Variants in ERICH3 observed in about 807,000 individuals in gnomAD.
ERICH3 encodes glutamate rich 3, also known as glutamate-rich protein 3.
Under a neutral mutation model 131.1 loss-of-function variants are expected in ERICH3, and 126 were observed. That is an observed-to-expected ratio of 0.96 (90% confidence interval 0.83 to 1.11). The LOEUF (loss-of-function observed/expected upper bound fraction) is 1.11. Ranked by LOEUF, ERICH3 falls within the 50% of genes most tolerant of loss-of-function variation. ERICH3 has a pLI of 0.00. For synonymous variants in ERICH3, 695 were observed against 644.6 expected, an observed-to-expected ratio of 1.08 and a Z score of -1.18; for missense variants, 2,050 against 1,810.7, an observed-to-expected ratio of 1.13 and a Z score of -2.40.
intron 1 of ERICH3, among the ~76,000 whole-genome samples, chr1:74,664,532 G>T (rs1364556642): frequency 1.3e-5 from 2 of 152,094 alleles, no homozygotes; most frequent in Non-Finnish European, 2.9e-5. Context: ...TATAGAGAAT[G>T]CCAAATTAAC....
intron 6 of ERICH3, chr1:74,634,781 G>T (rs1294215960): frequency 3.4e-5 from 22 of 645,326 alleles, no homozygotes; most frequent in Non-Finnish European, 6.2e-5. Flanking sequence ...GGATACAGAG[G>T]ATTTTAGCCA....
Position 74,649,205 on chromosome 1 carries a change from A to G in ERICH3, c.117+17T>C, listed in dbSNP as rs762926720. The G allele has an allele frequency of 2.5e-6, 4 of 1,576,966 alleles. No homozygotes were observed. Among genetic ancestry groups the G allele is most frequent in the Non-Finnish European group, 3.5e-6 (4 of 1,155,622 alleles). On this transcript the variant is annotated intron_variant, in intron 2 of 14. Transcript: ENST00000326665. ...TAATGAAACAAGAAGGTCAGTGGAAAGTAAACCAAAACTTACCAGTCCTGA... is the reference window on the plus strand; with the variant it reads ...TAATGAAACAAGAAGGTCAGTGGAAGGTAAACCAAAACTTACCAGTCCTGA...
At chr1:74,600,037 C>A in intron 10 of ERICH3, 106 bp from the exon 11 acceptor site, 2 of 763,712 alleles carry the variant, frequency 2.6e-6, no homozygotes, top group East Asian at 2.6e-5. Context: ...CTTCTCTGAG[C>A]CTTTCTTTGC....
chr1:74,571,952 C>A lies in ERICH3; in HGVS notation c.3758G>T (p.Gly1253Val). Residue 1253 changes from glycine (G) to valine (V), a missense_variant, in exon 14 of 15, where the codon GGA becomes GTA. Physicochemically the swap from Gly to Val is moderately radical, Grantham distance 109. Transcript: ENST00000326665. ...TTGCCCTTCAGCTCTCCCCTCCAGT[C>A]CTGCGCAGGAGTCGTGATCTTTGGC... Reference protein sequence around the residue: ...LAAKDHDSCAGLEGRAEGQGG... With the variant: ...LAAKDHDSCAVLEGRAEGQGG... 6.2e-7 allele frequency: 1 copy of A among 1,613,778 alleles called. No homozygotes were observed. Among genetic ancestry groups the A allele is most frequent in the Admixed American group, 1.7e-5 (1 of 60,028 alleles).
Position 74,620,852 on chromosome 1 carries a change from C to T in ERICH3, c.882G>A (p.Leu294=), listed in dbSNP as rs765805851. 2 of 1,612,688 alleles carry T rather than the reference C, an allele frequency of 1.2e-6. No homozygotes were observed. The highest frequency in any genetic ancestry group is 1.7e-5 in the Admixed American group (1 of 59,856). ...CAGAAGATAGGTGCACATTTTTCCC[C>T]AAATAGATCATTGTAATAGCTGCAT... ...HSNAAITMIY[L]GKNVHLSSDN... Residue 294 remains leucine (L), a synonymous_variant, in exon 8 of 15, where the codon TTG becomes TTA. Transcript: ENST00000326665.
At chr1:74,583,185 G>A (rs1003238518) in intron 12 of ERICH3, among the ~76,000 whole-genome samples, 5 of 152,088 alleles carry the variant, frequency 3.3e-5, no homozygotes, top group African/African-American at 1.2e-4. Context: ...TCATCCAAGA[G>A]CTTCAATGTA....
chr1:74,625,579 C>T (rs991976416), intron 7 of ERICH3: 1 of 152,078 alleles, frequency 6.6e-6, no homozygotes. Context: ...TTATAGTACT[C>T]ATCACAATAT....
At chr1:74,660,841 T>C (rs940190411) in intron 1 of ERICH3, among the ~76,000 whole-genome samples, 1 of 151,952 alleles carries the variant, frequency 6.6e-6, no homozygotes, top group Non-Finnish European at 1.5e-5. Flanking sequence ...TTTTCTGTGA[T>C]GCAAGTCATA....
chr1:74,636,816 G>A (rs1445966209), intron 5 of ERICH3, among the ~76,000 whole-genome samples: 1 of 152,034 alleles, frequency 6.6e-6, no homozygotes, highest in East Asian at 1.9e-4. Flanking sequence ...GGGTCTAAAA[G>A]GATATTATTG....
chr1:74,600,595 C>T (rs1648082163), intron 10 of ERICH3, among the ~76,000 whole-genome samples: 1 of 151,762 alleles, frequency 6.6e-6, no homozygotes, highest in Non-Finnish European at 1.5e-5. Flanking sequence ...CTGTCACAGC[C>T]ACATATTTGC....
chr1:74,660,812 T>C (rs951774663), intron 1 of ERICH3, among the ~76,000 whole-genome samples: 6 of 151,894 alleles, frequency 4.0e-5, no homozygotes, highest in African/African-American at 1.4e-4. Context: ...ACCTAATGGC[T>C]GTCAGTGATT....
intron 1 of ERICH3, among the ~76,000 whole-genome samples, chr1:74,666,744 T>G (rs1029751739): frequency 2.0e-5 from 3 of 151,826 alleles, no homozygotes; most frequent in South Asian, 2.1e-4. Context: ...GGTCGACTTT[T>G]TAGTTAGCAC....
At chr1:74,630,301 G>C (rs1649551081) in intron 7 of ERICH3, among the ~76,000 whole-genome samples, 1 of 152,150 alleles carries the variant, frequency 6.6e-6, no homozygotes, top group Non-Finnish European at 1.5e-5. Flanking sequence ...TTCTATTATT[G>C]TTCCAAATAT....
chr1:74,615,849 G>T (rs1648936927), intron 8 of ERICH3, among the ~76,000 whole-genome samples: 1 of 152,164 alleles, frequency 6.6e-6, no homozygotes, highest in South Asian at 2.1e-4. Context: ...GCTGTCTGTG[G>T]GGGTTGACTT....
intron 6 of ERICH3, among the ~76,000 whole-genome samples, chr1:74,633,531 G>A (rs1557693149): frequency 6.6e-6 from 1 of 151,924 alleles, no homozygotes; most frequent in African/African-American, 2.4e-5. Context: ...TGGTTTACCA[G>A]TTTTTCAAAA....
At chr1:74,668,191 C>CTTTTTTTTTTTTTTTTTTTTTTT (rs1646709411) in intron 1 of ERICH3, among the ~76,000 whole-genome samples, 1 of 152,108 alleles carries the variant, frequency 6.6e-6, no homozygotes, top group South Asian at 2.1e-4. Flanking sequence ...GAATCAATTT[C>CTTTTTTTTTTTTTTTTTTTTTTT]TATTGCTCAA....
Position 74,571,449 on chromosome 1 carries a change from TCTC to T in ERICH3, c.4258_4260del (p.Glu1420del), listed in dbSNP as rs763223638. 3 of 1,613,944 alleles carry T rather than the reference TCTC, an allele frequency of 1.9e-6. No homozygotes were observed. The highest frequency in any genetic ancestry group is 2.5e-6 in the Non-Finnish European group (3 of 1,179,960). On this transcript the variant is annotated inframe_deletion, in exon 14 of 15. Transcript: ENST00000326665. Reference sequence around the variant, plus strand: ...GCCTCTGTTGTATATGTCACTGTCATCTCCTCTGCTGCTGGCACTTCCTCCCCA... The same window carrying T: ...GCCTCTGTTGTATATGTCACTGTCATCTCTGCTGCTGGCACTTCCTCCCCA...
chr1:74,669,899 C>T (rs886151298), intron 1 of ERICH3, among the ~76,000 whole-genome samples: 2 of 152,172 alleles, frequency 1.3e-5, no homozygotes, highest in African/African-American at 4.8e-5. Context: ...TAGTGTATAA[C>T]TGCACTTTGT....
intron 1 of ERICH3, 119 bp downstream of exon 1, chr1:74,673,378 C>A (rs1241809612): frequency 1.6e-6 from 2 of 1,254,462 alleles, no homozygotes; most frequent in Non-Finnish European, 2.2e-6. Context: ...TTTTCCTCTC[C>A]CCAGCCCTCC....
Sources: allele counts gnomAD v4.1 joint callset (sites outside exome capture counted in the v4.1 genomes callset), GRCh38; gene constraint gnomAD v4.1.1; transcripts MANE v1.5; gene names NCBI Gene and HGNC (gene_info 2026-07-23, HGNC 2026-07-21).